RC3H2: variants seen among roughly 807,000 people sequenced by gnomAD.
RC3H2 encodes the protein roquin-2.
In RC3H2, 31 loss-of-function variants were observed where a neutral mutation model predicts 133.3. That is an observed-to-expected ratio of 0.23 (90% confidence interval 0.17 to 0.31). RC3H2 has a LOEUF of 0.31. Ranked by LOEUF, RC3H2 falls within the 10% of genes least tolerant of loss-of-function variation. The pLI is 1.00. For missense variants in RC3H2, 1,175 were observed against 1,437.2 expected (o/e 0.82, Z 2.95); for synonymous variants, 517 against 502.2 (o/e 1.03, Z -0.40).
intron 9 of RC3H2, chr9:122,875,320 C>A: frequency 3.9e-6 from 6 of 1,550,646 alleles, no homozygotes; most frequent in Non-Finnish European, 5.2e-6. Flanking sequence ...CCAAGCTAGC[C>A]ACTGAGGAAA....
chr9:122,873,526 T>C (rs1400617950), intron 9 of RC3H2, among the ~76,000 whole-genome samples: 1 of 151,918 alleles, frequency 6.6e-6, no homozygotes, highest in African/African-American at 2.4e-5. Flanking sequence ...CTGGGCAACA[T>C]GGTGAATCCC....
intron 10 of RC3H2, among the ~76,000 whole-genome samples, chr9:122,864,707 G>A (rs558567640): frequency 2.0e-5 from 3 of 151,700 alleles, no homozygotes; most frequent in South Asian, 2.1e-4. Flanking sequence ...TGCAAGCTCC[G>A]CCTCCTGGGT....
chr9:122,861,532 A>G (rs963210178), intron 10 of RC3H2, among the ~76,000 whole-genome samples: 18 of 150,772 alleles, frequency 1.2e-4, no homozygotes, highest in Middle Eastern at 3.5e-3. Flanking sequence ...AACCATATAT[A>G]TATGGCCAAA....
chr9:122,859,903 C>T lies in RC3H2; in HGVS notation c.1849+14G>A, dbSNP rs770090070. Reference sequence around the variant, plus strand: ...ATGTTTCTTTTTTTCTTAGAATTGTCTAAAATTACTCACCTGTCTGTGGGT... The same window carrying T: ...ATGTTTCTTTTTTTCTTAGAATTGTTTAAAATTACTCACCTGTCTGTGGGT... On this transcript the variant is annotated intron_variant, in intron 11 of 20. Transcript: ENST00000357244. 4 of 1,577,824 alleles carry T rather than the reference C, an allele frequency of 2.5e-6. No homozygotes were observed. Among genetic ancestry groups the T allele is most frequent in the Non-Finnish European group, 3.5e-6 (4 of 1,147,580 alleles).
intron 18 of RC3H2, chr9:122,853,750 A>G (rs992110986): frequency 6.7e-5 from 93 of 1,392,996 alleles, no homozygotes; most frequent in Non-Finnish European, 7.8e-5. Context: ...CCATCTCAAA[A>G]AAACAAAAAT....
chr9:122,852,548 C>A (rs1231279341), intron 18 of RC3H2, among the ~76,000 whole-genome samples: 1 of 148,672 alleles, frequency 6.7e-6, no homozygotes, highest in Non-Finnish European at 1.5e-5. Context: ...GGTCAGCCCC[C>A]CGCCCGGCCA....
rs1829858290 is a variant in RC3H2 at position 122,845,852 on chromosome 9, G to T, written c.*3775C>A. 1 of 152,128 alleles carries T rather than the reference G, an allele frequency of 6.6e-6. No homozygotes were observed. The highest frequency in any genetic ancestry group is 1.9e-4 in the East Asian group (1 of 5,192). 9.4% of individuals were successfully genotyped at this position (152,128 alleles called of 1,614,324 possible). A position where few individuals can be genotyped will look rare whatever the true frequency, so the allele number is the denominator to read the frequency against. On this transcript the variant is annotated 3_prime_UTR_variant, in exon 21 of 21. Coordinates refer to ENST00000357244, the MANE Select transcript of RC3H2 (RefSeq NM_001100588.3). The stretch of plus-strand genomic sequence containing the variant: ...CTTCATTCACTAAAACAAAAGAAAA[G>T]TTCTTCCAGGAAACCAATGCATAGT...
intron 2 of RC3H2, among the ~76,000 whole-genome samples, chr9:122,895,495 T>C (rs1396366818): frequency 6.6e-6 from 1 of 152,172 alleles, no homozygotes; most frequent in African/African-American, 2.4e-5. Flanking sequence ...AAAAAGTCTA[T>C]GATATTTTAT....
Position 122,879,738 on chromosome 9 carries a change from G to GT in RC3H2, c.1212+16dup. 1.3e-6 allele frequency: 2 copies of GT among 1,509,034 alleles called. No individual in the cohort carries two copies. The highest frequency in any genetic ancestry group is 1.8e-6 in the Non-Finnish European group (2 of 1,097,446). The allele number at this position is 1,509,034 out of a possible 1,614,324, so 93.5% of individuals were successfully genotyped here. On this transcript the variant is annotated intron_variant, in intron 8 of 20. Coordinates refer to ENST00000357244, the MANE Select transcript of RC3H2 (RefSeq NM_001100588.3). Reference sequence around the variant, plus strand: ...GTTAGAGACAACAGCAGTCAGAAATGTAATAAATGTACTTACCTGAGGGGT... The same window carrying GT: ...GTTAGAGACAACAGCAGTCAGAAATGTTAATAAATGTACTTACCTGAGGGGT...
chr9:122,880,949 C>A (rs1831592358), intron 5 of RC3H2, among the ~76,000 whole-genome samples, 155 bp from the exon 6 acceptor site: 1 of 152,180 alleles, frequency 6.6e-6, no homozygotes, highest in Non-Finnish European at 1.5e-5. Flanking sequence ...ACCACAAATT[C>A]TTTCTGGAAC....
chr9:122,866,501 C>A (rs1228792299), intron 9 of RC3H2, among the ~76,000 whole-genome samples: 1 of 151,838 alleles, frequency 6.6e-6, no homozygotes, highest in Non-Finnish European at 1.5e-5. Flanking sequence ...CTGCAACCTC[C>A]CTGCCTGATT....
At chr9:122,871,459 G>A (rs537162702) in intron 9 of RC3H2, among the ~76,000 whole-genome samples, 89 of 149,982 alleles carry the variant, frequency 5.9e-4, no homozygotes, top group African/African-American at 2.1e-3. Context: ...CACCAGGCCC[G>A]GCTAATTTTT....
At position 122,893,029 on chromosome 9, in the gene RC3H2, TAA is replaced by T. The variant is rs747020595; in HGVS notation, c.232-5_232-4del. On this transcript the variant is annotated splice_region_variant and splice_polypyrimidine_tract_variant and intron_variant, in intron 2 of 20. Transcript: ENST00000357244. ...TTAATTGACTGATGATCTGGTACCTTAAAAAAAAAAAAAAAGGAATATTGCAG... is the reference window on the plus strand; with the variant it reads ...TTAATTGACTGATGATCTGGTACCTTAAAAAAAAAAAAAGGAATATTGCAG... The T allele has an allele frequency of 0.015, 20,768 of 1,406,354 alleles. No individual in the cohort carries two copies. The highest frequency in any genetic ancestry group is 0.031 in the South Asian group (2,349 of 76,012). 87.1% of individuals were successfully genotyped at this position (1,406,354 alleles called of 1,614,324 possible).
chr9:122,895,216 G>C (rs1832368677), intron 2 of RC3H2, among the ~76,000 whole-genome samples: 1 of 151,106 alleles, frequency 6.6e-6, no homozygotes, highest in African/African-American at 2.4e-5. Flanking sequence ...CTGGAGTGCA[G>C]TGGCACGATC....
At chr9:122,887,832 C>A (rs1831992790) in intron 4 of RC3H2, among the ~76,000 whole-genome samples, 1 of 150,624 alleles carries the variant, frequency 6.6e-6, no homozygotes, top group Admixed American at 6.6e-5. Flanking sequence ...GCAACCTCTG[C>A]CCCGAGGTTA....
At position 122,851,180 on chromosome 9, in the gene RC3H2, A is replaced by C. The variant is rs1227951444; in HGVS notation, c.3281T>G (p.Leu1094Arg). Residue 1094 changes from leucine to arginine, a missense_variant, in exon 20 of 21, where the codon CTA becomes CGA. Coordinates refer to ENST00000357244, the MANE Select transcript of RC3H2 (RefSeq NM_001100588.3). ...LGISSQNDQLLNGMAVENGHP... is the reference protein window; with the variant it reads ...LGISSQNDQLRNGMAVENGHP... ...CCCATTTTCCACTGCCATTCCATTT[A>C]GCAACTGATCATTTTGAGAACTGAT... The C allele has an allele frequency of 1.2e-6, 2 of 1,614,030 alleles. No homozygotes were observed. Among genetic ancestry groups the C allele is most frequent in the African/African-American group, 2.7e-5 (2 of 74,912 alleles).
intron 4 of RC3H2, among the ~76,000 whole-genome samples, chr9:122,885,990 C>T (rs535988059): frequency 2.0e-5 from 3 of 152,334 alleles, no homozygotes; most frequent in South Asian, 4.1e-4. Context: ...TAGGTTCAAA[C>T]GATTCTTGTG....
chr9:122,859,418 T>C (rs1322447106), intron 11 of RC3H2, among the ~76,000 whole-genome samples: 3 of 152,064 alleles, frequency 2.0e-5, no homozygotes, highest in Admixed American at 1.3e-4. Flanking sequence ...AAGACACCAC[T>C]ATATGAAAAT....
intron 12 of RC3H2, 143 bp from the exon 13 acceptor site, chr9:122,858,236 C>T (rs1312710146): frequency 5.7e-6 from 4 of 704,300 alleles, no homozygotes; most frequent in South Asian, 4.1e-5. Context: ...ATTCTCCATA[C>T]ACTTAAAATA....
Sources: gnomAD v4.1 joint callset for allele counts (sites outside exome capture counted in the v4.1 genomes callset) on GRCh38, gnomAD v4.1.1 for gene constraint, MANE v1.5 for transcripts, NCBI Gene and HGNC (gene_info 2026-07-23, HGNC 2026-07-21) for gene names.